Variants in AMOTL1 observed in about 807,000 individuals in gnomAD.
AMOTL1 encodes the protein angiomotin like 1.
Under a neutral mutation model 102.9 loss-of-function variants are expected in AMOTL1, and 45 were observed. The observed-to-expected ratio is 0.44, with a 90% confidence interval of 0.34 to 0.56. AMOTL1 has a LOEUF of 0.56. AMOTL1 is among the 20% of genes least tolerant of loss of function. AMOTL1 has a pLI of 0.01. For synonymous variants in AMOTL1, 481 were observed against 484.7 expected (o/e 0.99, Z 0.10); for missense variants, 1,114 against 1,225.6 (o/e 0.91, Z 1.36).
At chr11:94,751,789 C>A (rs908316598) in intron 3 of AMOTL1, among the ~76,000 whole-genome samples, 1 of 151,028 alleles carries the variant, frequency 6.6e-6, no homozygotes, top group Admixed American at 6.6e-5. Context: ...CACACACACA[C>A]ACACACACAC....
intron 3 of AMOTL1, among the ~76,000 whole-genome samples, chr11:94,816,108 T>C (rs780575919): frequency 2.3e-4 from 35 of 152,182 alleles, no homozygotes; most frequent in Non-Finnish European, 4.9e-4. Context: ...TTAACAAAAT[T>C]ACAAGACATT....
intron 3 of AMOTL1, among the ~76,000 whole-genome samples, chr11:94,742,372 G>A (rs570064051): frequency 5.3e-5 from 8 of 152,214 alleles, no homozygotes; most frequent in Non-Finnish European, 1.2e-4. Context: ...AAGCCATTTG[G>A]TCCTCTTAAA....
At chr11:94,797,918 AGAG>A (rs2135567701) in intron 2 of AMOTL1, among the ~76,000 whole-genome samples, 1 of 152,304 alleles carries the variant, frequency 6.6e-6, no homozygotes, top group East Asian at 1.9e-4. Context: ...ATTTTGGTGC[AGAG>A]GAGTGACATG....
intron 3 of AMOTL1, among the ~76,000 whole-genome samples, chr11:94,803,090 G>A (rs1303053554): frequency 2.0e-5 from 3 of 152,170 alleles, no homozygotes; most frequent in Admixed American, 2.0e-4. Flanking sequence ...ATACTGGTGG[G>A]CTCAGTATGT....
At chr11:94,823,366 C>T (rs1951903246) in intron 4 of AMOTL1, among the ~76,000 whole-genome samples, 1 of 152,096 alleles carries the variant, frequency 6.6e-6, no homozygotes, top group Admixed American at 6.5e-5. Context: ...ATTGTGGCCT[C>T]ACTCCCACCC....
intron 1 of AMOTL1, among the ~76,000 whole-genome samples, chr11:94,775,166 T>G (rs746078232): frequency 5.3e-5 from 8 of 152,250 alleles, no homozygotes; most frequent in Non-Finnish European, 1.0e-4. Flanking sequence ...TAAAATTATT[T>G]TCTGCATCAT....
intron 1 of AMOTL1, among the ~76,000 whole-genome samples, chr11:94,777,773 G>C (rs947169565): frequency 6.6e-6 from 1 of 152,030 alleles, no homozygotes; most frequent in African/African-American, 2.4e-5. Flanking sequence ...TTCTTATTTT[G>C]GACAGAATAT....
At chr11:94,809,669 C>A (rs1345844415) in intron 3 of AMOTL1, among the ~76,000 whole-genome samples, 2 of 152,166 alleles carry the variant, frequency 1.3e-5, no homozygotes, top group African/African-American at 4.8e-5. Flanking sequence ...GCCCTTATGC[C>A]AAATTTTTAC....
Position 94,869,297 on chromosome 11 carries a change from C to A in AMOTL1, c.2588C>A (p.Ala863Asp). Residue 863 changes from alanine (A) to aspartate (D), a missense_variant, in exon 12 of 13, where the codon GCC becomes GAC. Coordinates refer to ENST00000433060, the MANE Select transcript of AMOTL1 (RefSeq NM_130847.3). ...ALSSIASTTA[A>D]SSAHAKTGSK... is the part of the protein sequence containing the mutation. ...TCCTCCATAGCCTCCACTACGGCAG[C>A]CAGCAGTGCCCACGCCAAGACAGGC... The A allele has an allele frequency of 6.2e-7, 1 of 1,613,090 alleles. No individual in the cohort carries two copies. The highest frequency in any genetic ancestry group is 8.5e-7 in the Non-Finnish European group (1 of 1,179,556).
chr11:94,846,308 C>T (rs1011709184), intron 6 of AMOTL1, among the ~76,000 whole-genome samples: 7 of 152,240 alleles, frequency 4.6e-5, no homozygotes, highest in Non-Finnish European at 7.3e-5. Context: ...AATGCTACAT[C>T]CTACTCACCT....
At chr11:94,742,107 T>C (rs1950535783) in intron 3 of AMOTL1, among the ~76,000 whole-genome samples, 2 of 152,214 alleles carry the variant, frequency 1.3e-5, no homozygotes, top group East Asian at 1.9e-4. Flanking sequence ...AGGAGTACCA[T>C]GTTTTATTCA....
intron 3 of AMOTL1, among the ~76,000 whole-genome samples, chr11:94,816,988 C>CT (rs536472918): frequency 5.8e-4 from 88 of 152,238 alleles, no homozygotes; most frequent in African/African-American, 2.0e-3. Context: ...ATATGAGCCT[C>CT]TGTGTCAGAT....
chr11:94,774,959 C>G (rs983718933), intron 1 of AMOTL1, among the ~76,000 whole-genome samples: 3 of 152,174 alleles, frequency 2.0e-5, no homozygotes, highest in African/African-American at 7.2e-5. Context: ...TTTCTTCTAT[C>G]ATTTGTCTCT....
intron 5 of AMOTL1, among the ~76,000 whole-genome samples, chr11:94,830,820 A>T (rs1367775156): frequency 3.9e-5 from 6 of 152,170 alleles, no homozygotes; most frequent in African/African-American, 1.4e-4. Context: ...ATGTCAAAAC[A>T]CTCAACATCC....
chr11:94,764,571 T>C (rs1950833087), upstream of AMOTL1, among the ~76,000 whole-genome samples: 1 of 152,214 alleles, frequency 6.6e-6, no homozygotes, highest in African/African-American at 2.4e-5. Context: ...GGTGAGGCTG[T>C]GTGTAGTAGC....
At chr11:94,787,261 T>G (rs960624388) in intron 1 of AMOTL1, among the ~76,000 whole-genome samples, 4 of 151,880 alleles carry the variant, frequency 2.6e-5, no homozygotes, top group Non-Finnish European at 5.9e-5. Flanking sequence ...AAAGTAAAAG[T>G]TTCATAGATT....
Position 94,850,147 on chromosome 11 carries a change from A to T in AMOTL1, c.1682A>T (p.Glu561Val). 1.3e-6 allele frequency: 2 copies of T among 1,584,556 alleles called. No homozygotes were observed. The highest frequency in any genetic ancestry group is 1.7e-6 in the Non-Finnish European group (2 of 1,164,706). The change falls in exon 7 of 13, where the codon GAA becomes GTA. Residue 561 changes from glutamate (E) to valine (V), a missense_variant. Coordinates refer to ENST00000433060, the MANE Select transcript of AMOTL1 (RefSeq NM_130847.3). ...KEFLKEKEKL[E>V]MELAAVRTAS... ...TTCTTGAAGGAAAAGGAGAAATTAG[A>T]AATGGAGTTAGCAGCAGTGCGGACT...
Position 94,872,104 on chromosome 11 carries a change from G to GT in AMOTL1, c.*1312dup. The GT allele has an allele frequency of 6.6e-6, 1 of 152,200 alleles. No homozygotes were observed. Among genetic ancestry groups the GT allele is most frequent in the South Asian group, 2.1e-4 (1 of 4,808 alleles). 9.4% of individuals were successfully genotyped at this position (152,200 alleles called of 1,614,324 possible). On this transcript the variant is annotated 3_prime_UTR_variant, in exon 13 of 13. Coordinates refer to ENST00000433060, the MANE Select transcript of AMOTL1 (RefSeq NM_130847.3). The stretch of plus-strand genomic sequence containing the variant: ...ATACAGTGTTGTCAGGTTTTTCCGG[G>GT]TTTCAGTTTTGAGGCAGTTTATTCA...
intron 2 of AMOTL1, among the ~76,000 whole-genome samples, chr11:94,796,526 A>G (rs993520030): frequency 2.6e-5 from 4 of 152,180 alleles, no homozygotes; most frequent in Non-Finnish European, 5.9e-5. Flanking sequence ...GCCAGGGGCA[A>G]GAGATATTGA....
Sources: gnomAD v4.1 joint callset for allele counts (sites outside exome capture counted in the v4.1 genomes callset) on GRCh38, gnomAD v4.1.1 for gene constraint, MANE v1.5 for transcripts, NCBI Gene and HGNC (gene_info 2026-07-23, HGNC 2026-07-21) for gene names.